The following ZNF385D variants were observed in gnomAD, a reference collection of about 807,000 sequenced individuals.
ZNF385D encodes zinc finger protein 385D, also known as zinc finger protein 659.
Under a neutral mutation model 35.8 loss-of-function variants are expected in ZNF385D, and 15 were observed. That is an observed-to-expected ratio of 0.42 (90% CI 0.28 to 0.64). ZNF385D has a LOEUF of 0.64. ZNF385D is among the 30% of genes least tolerant of loss of function. The pLI is 0.23. For synonymous variants in ZNF385D, 212 were observed against 186.8 expected (o/e 1.13, Z -1.10); for missense variants, 474 against 494.6 (o/e 0.96, Z 0.39).
At chr3:21,898,007 G>T (rs73042644) in intron 3 of ZNF385D, among the ~76,000 whole-genome samples, 1 of 152,028 alleles carries the variant, frequency 6.6e-6, no homozygotes, top group East Asian at 1.9e-4. Flanking sequence ...CCACCTAGAG[G>T]TTTATTTTAT....
At chr3:21,780,749 T>C (rs934386922) in intron 3 of ZNF385D, among the ~76,000 whole-genome samples, 1 of 151,932 alleles carries the variant, frequency 6.6e-6, no homozygotes, top group South Asian at 2.1e-4. Flanking sequence ...CCTCAAATCA[T>C]TTTTGTTCAA....
chr3:21,471,134 T>C (rs552990436), intron 4 of ZNF385D, among the ~76,000 whole-genome samples: 2 of 152,162 alleles, frequency 1.3e-5, no homozygotes, highest in Non-Finnish European at 2.9e-5. Flanking sequence ...GACACATATG[T>C]CATAGCCGGC....
At chr3:21,810,464 T>A (rs2072867652) in intron 3 of ZNF385D, among the ~76,000 whole-genome samples, 1 of 152,158 alleles carries the variant, frequency 6.6e-6, no homozygotes. Flanking sequence ...ATGGCACATG[T>A]ATACATATGT....
intron 2 of ZNF385D, among the ~76,000 whole-genome samples, chr3:22,235,389 G>A (rs1042950873): frequency 6.6e-6 from 1 of 152,068 alleles, no homozygotes; most frequent in Non-Finnish European, 1.5e-5. Context: ...ATTGCAGGGA[G>A]AAAAAGGGAA....
chr3:21,524,955 T>G lies in ZNF385D; in HGVS notation c.277-13932A>C, dbSNP rs920593614. ...AGGGAATTTAAAGATTAACTTCACA[T>G]AGAATTCTTTTTCTCTCTGATAAAT... On this transcript the variant is annotated intron_variant, in intron 3 of 7. Coordinates refer to ENST00000281523, the MANE Select transcript of ZNF385D (RefSeq NM_024697.3). 1.0e-4 allele frequency among the ~76,000 whole-genome samples: 15 copies of G among 150,150 alleles called. No individual in the cohort carries two copies. In the East Asian group the frequency reaches 2.0e-3, roughly 20 times the overall value.
intron 5 of ZNF385D, among the ~76,000 whole-genome samples, chr3:21,434,019 T>A (rs1377510060): frequency 6.6e-6 from 1 of 152,174 alleles, no homozygotes; most frequent in Non-Finnish European, 1.5e-5. Flanking sequence ...TTTTAAAAAA[T>A]GTAAACATTA....
At chr3:21,473,952 A>G (rs1477184486) in intron 4 of ZNF385D, among the ~76,000 whole-genome samples, 3 of 152,082 alleles carry the variant, frequency 2.0e-5, no homozygotes, top group Non-Finnish European at 4.4e-5. Flanking sequence ...GATATTTTAT[A>G]TCATATATGC....
chr3:22,076,940 C>T (rs1054931767), intron 3 of ZNF385D, among the ~76,000 whole-genome samples: 3 of 151,816 alleles, frequency 2.0e-5, no homozygotes, highest in African/African-American at 7.3e-5. Context: ...TCATCTACCT[C>T]TGAGTAACAC....
chr3:21,981,527 T>C (rs751397909), intron 3 of ZNF385D, among the ~76,000 whole-genome samples: 6 of 152,128 alleles, frequency 3.9e-5, no homozygotes, highest in Non-Finnish European at 8.8e-5. Context: ...TTTATCCTGT[T>C]GATAATTTCT....
At chr3:22,028,943 G>C (rs1156562020) in intron 3 of ZNF385D, among the ~76,000 whole-genome samples, 2 of 152,112 alleles carry the variant, frequency 1.3e-5, no homozygotes, top group Non-Finnish European at 2.9e-5. Flanking sequence ...ATATGGTACT[G>C]TTTCTCCCAT....
intron 3 of ZNF385D, among the ~76,000 whole-genome samples, chr3:22,123,806 G>C (rs892701247): frequency 5.3e-5 from 8 of 151,824 alleles, no homozygotes; most frequent in Non-Finnish European, 1.2e-4. Context: ...AGGTTGCAGG[G>C]AACTGAGATT....
intron 4 of ZNF385D, chr3:21,459,258 G>C (rs1703018539): frequency 6.6e-6 from 1 of 152,010 alleles, no homozygotes; most frequent in African/African-American, 2.4e-5. Flanking sequence ...CTTCTCTTTA[G>C]GCTTATAACA....
intron 3 of ZNF385D, among the ~76,000 whole-genome samples, chr3:22,141,884 A>G (rs1704525663): frequency 6.6e-6 from 1 of 152,228 alleles, no homozygotes. Flanking sequence ...CTTTATCCCA[A>G]AGACAGTACT....
intron 3 of ZNF385D, among the ~76,000 whole-genome samples, chr3:21,836,786 T>C (rs1322097025): frequency 6.6e-6 from 1 of 152,080 alleles, no homozygotes; most frequent in Non-Finnish European, 1.5e-5. Context: ...TAAACAAATG[T>C]AAAAAACATT....
intron 2 of ZNF385D, among the ~76,000 whole-genome samples, chr3:21,637,150 G>T (rs1237824024): frequency 6.6e-6 from 1 of 151,950 alleles, no homozygotes; most frequent in Non-Finnish European, 1.5e-5. Context: ...TTGCTTTTGG[G>T]TTCTTGGTCA....
At chr3:22,237,116 G>A (rs1478366195) in intron 2 of ZNF385D, among the ~76,000 whole-genome samples, 3 of 152,224 alleles carry the variant, frequency 2.0e-5, no homozygotes, top group East Asian at 3.9e-4. Context: ...TTCCAAAGTG[G>A]CTGCCCTGTT....
rs1046368520 is a variant in ZNF385D at position 21,425,639 on chromosome 3, C to T, written c.705G>A (p.Arg235=). ...AGGCTTTGATAGTGCCACTTCCATT[C>T]CGGGCTTCTAACATGGTTTTGTGCT... is the stretch of plus-strand genomic sequence containing the variant. ...GTKHKTMLEA[R]NGSGTIKAFP... Residue 235 remains arginine, a synonymous_variant, in exon 6 of 8, where the codon CGG becomes CGA. Transcript: ENST00000281523. 6.3e-7 allele frequency: 1 copy of T among 1,595,022 alleles called. No homozygotes were observed. Among genetic ancestry groups the T allele is most frequent in the Non-Finnish European group, 8.6e-7 (1 of 1,169,284 alleles).
At chr3:21,636,953 T>C (rs984422731) in intron 2 of ZNF385D, among the ~76,000 whole-genome samples, 3 of 152,054 alleles carry the variant, frequency 2.0e-5, no homozygotes, top group Non-Finnish European at 4.4e-5. Flanking sequence ...AATTGTTTTT[T>C]TTGTTGTTGT....
intron 3 of ZNF385D, among the ~76,000 whole-genome samples, chr3:22,007,907 ATCTTT>A (rs1696318636): frequency 6.6e-6 from 1 of 151,642 alleles, no homozygotes; most frequent in Non-Finnish European, 1.5e-5. Flanking sequence ...AAATTTATCA[ATCTTT>A]TCTTTATCAC....
Sources: gnomAD v4.1 joint callset for allele counts (sites outside exome capture counted in the v4.1 genomes callset) on GRCh38, gnomAD v4.1.1 for gene constraint, MANE v1.5 for transcripts, NCBI Gene and HGNC (gene_info 2026-07-23, HGNC 2026-07-21) for gene names.